The following SCN2A variants were observed in gnomAD, a reference collection of about 807,000 sequenced individuals.
SCN2A encodes the protein sodium voltage-gated channel alpha subunit 2.
A neutral mutation model predicts 188.7 loss-of-function variants in SCN2A; 20 were observed. The observed-to-expected ratio is 0.11, with a 90% confidence interval of 0.07 to 0.15. SCN2A has a LOEUF of 0.15. SCN2A is among the 10% of genes least tolerant of loss of function. The pLI is 1.00. For synonymous variants in SCN2A, 804 were observed against 833.1 expected (o/e 0.97, Z 0.60); for missense variants, 1,278 against 2,445.0 (o/e 0.52, Z 10.07).
At position 165,314,252 on chromosome 2, in the gene SCN2A, A is replaced by G. The variant is rs540184222; in HGVS notation, c.1383+144A>G. The G allele has an allele frequency of 2.7e-3, 2,095 of 776,980 alleles. 5 individuals carry two copies. The highest frequency in any genetic ancestry group is 3.7e-3 in the Non-Finnish European group (1,776 of 476,656). The allele number at this position is 776,980 out of a possible 1,614,324, so 48.1% of individuals were successfully genotyped here. A position where few individuals can be genotyped will look rare whatever the true frequency, so the allele number is the denominator to read the frequency against. On this transcript the variant is annotated intron_variant, in intron 10 of 26. Coordinates refer to ENST00000375437, the MANE Select transcript of SCN2A (RefSeq NM_001040142.2). Reference sequence around the variant, plus strand: ...CTAGGAGCCTGTTTGGTTATTAAGAAGTTATTACTTTATTGCAATGATCTC... The same window carrying G: ...CTAGGAGCCTGTTTGGTTATTAAGAGGTTATTACTTTATTGCAATGATCTC...
chr2:165,308,860 T>A, intron 5 of SCN2A, 66 bp downstream of exon 5: 1 of 1,592,950 alleles, frequency 6.3e-7, no homozygotes, highest in Non-Finnish European at 8.6e-7. Flanking sequence ...ATACTATATT[T>A]TCCTTGGTGG....
intron 1 of SCN2A, among the ~76,000 whole-genome samples, chr2:165,287,242 C>T (rs184449319): frequency 8.1e-4 from 123 of 152,268 alleles, no homozygotes; most frequent in Middle Eastern, 3.4e-3. Context: ...CTGGTTACGG[C>T]GTTTGCATCT....
chr2:165,342,271 A>T, intron 14 of SCN2A, 25 bp from the exon 15 acceptor site: 2 of 1,600,804 alleles, frequency 1.2e-6, no homozygotes, highest in Non-Finnish European at 1.7e-6. Flanking sequence ...ATTTGCTCAT[A>T]TAATGAACTA....
intron 1 of SCN2A, among the ~76,000 whole-genome samples, chr2:165,263,365 CTTAAT>C (rs2106090639): frequency 1.3e-5 from 2 of 152,138 alleles, no homozygotes; most frequent in South Asian, 4.1e-4. Context: ...GGCTTCAGGT[CTTAAT>C]TTAAGTTCTT....
chr2:165,277,142 A>C (rs967564088), intron 1 of SCN2A, among the ~76,000 whole-genome samples: 4 of 152,182 alleles, frequency 2.6e-5, no homozygotes, highest in Non-Finnish European at 5.9e-5. Flanking sequence ...TTTTAAGGCA[A>C]TCATAGAATC....
intron 1 of SCN2A, among the ~76,000 whole-genome samples, chr2:165,254,557 T>A (rs1240665697): frequency 1.3e-5 from 2 of 151,700 alleles, no homozygotes; most frequent in Non-Finnish European, 3.0e-5. Flanking sequence ...AAATAAAAAC[T>A]CACCTGTAAA....
At chr2:165,377,012 G>A (rs570058465) in intron 22 of SCN2A, among the ~76,000 whole-genome samples, 2 of 151,984 alleles carry the variant, frequency 1.3e-5, no homozygotes, top group African/African-American at 2.4e-5. Flanking sequence ...TTATGTCAAC[G>A]GAGCAGAAAA....
chr2:165,308,267 C>T (rs1329007572), intron 4 of SCN2A, among the ~76,000 whole-genome samples: 2 of 152,076 alleles, frequency 1.3e-5, no homozygotes, highest in Non-Finnish European at 2.9e-5. Context: ...TTTTTAATGA[C>T]TACCACAGTT....
intron 1 of SCN2A, among the ~76,000 whole-genome samples, chr2:165,247,270 T>G (rs1483308467): frequency 6.6e-6 from 1 of 152,210 alleles, no homozygotes; most frequent in Non-Finnish European, 1.5e-5. Context: ...TTTTTTTACT[T>G]CCTTCAACTA....
At chr2:165,260,166 A>G (rs1559321310) in intron 1 of SCN2A, among the ~76,000 whole-genome samples, 2 of 151,956 alleles carry the variant, frequency 1.3e-5, no homozygotes, top group South Asian at 2.1e-4. Context: ...GATGGTCTCT[A>G]TCTCCTGACC....
In SCN2A at chr2:165,296,574, A is replaced by G. The variant is rs946853987; in HGVS notation, c.268-443A>G. On this transcript the variant is annotated intron_variant, in intron 2 of 26. Coordinates refer to ENST00000375437, the MANE Select transcript of SCN2A (RefSeq NM_001040142.2). ...CTTTATACCATACTTTCTCCTTTCT[A>G]TTGCTCTCCACAGAAGGAATAATAG... 5 of 186,972 alleles carry G rather than the reference A, an allele frequency of 2.7e-5. No individual in the cohort carries two copies. In the South Asian group the frequency reaches 5.4e-4, roughly 20 times the overall value. The allele number at this position is 186,972 out of a possible 1,614,324, so 11.6% of individuals were successfully genotyped here. A position where few individuals can be genotyped will look rare whatever the true frequency, so the allele number is the denominator to read the frequency against.
intron 14 of SCN2A, among the ~76,000 whole-genome samples, chr2:165,341,073 T>C (rs760865987): frequency 1.3e-5 from 2 of 151,848 alleles, no homozygotes; most frequent in Non-Finnish European, 2.9e-5. Context: ...CTTATGACAG[T>C]GGTGATATAT....
chr2:165,269,765 A>G (rs1179606845), intron 1 of SCN2A: 2 of 152,036 alleles, frequency 1.3e-5, no homozygotes, highest in African/African-American at 2.4e-5. Flanking sequence ...TGTATAAATT[A>G]TTACTTAAAT....
chr2:165,348,398 T>C (rs1028592017), intron 16 of SCN2A, among the ~76,000 whole-genome samples: 2 of 150,644 alleles, frequency 1.3e-5, no homozygotes, highest in Non-Finnish European at 1.5e-5. Flanking sequence ...TTAGACATGA[T>C]TTCCTCTCAT....
intron 1 of SCN2A, chr2:165,270,462 G>A (rs1695055687): frequency 6.6e-6 from 1 of 151,866 alleles, no homozygotes; most frequent in Non-Finnish European, 1.5e-5. Context: ...AACATATTTT[G>A]TAATAGAGTT....
intron 1 of SCN2A, among the ~76,000 whole-genome samples, chr2:165,292,395 C>T (rs1395292181): frequency 6.6e-6 from 1 of 151,940 alleles, no homozygotes; most frequent in African/African-American, 2.4e-5. Context: ...TTGCATGATG[C>T]CAAAGTTTGA....
intron 1 of SCN2A, among the ~76,000 whole-genome samples, chr2:165,259,244 G>A (rs1009388600): frequency 9.9e-5 from 15 of 152,178 alleles, no homozygotes; most frequent in African/African-American, 3.6e-4. Context: ...ATCTTTATGT[G>A]GGTGGAGGAT....
At chr2:165,272,980 G>C (rs765652594) in intron 1 of SCN2A, 5 of 152,018 alleles carry the variant, frequency 3.3e-5, no homozygotes, top group Admixed American at 2.0e-4. Flanking sequence ...GTAGACTGAA[G>C]GCTGAGAATT....
At chr2:165,378,475 T>G (rs1225934401) in intron 23 of SCN2A, among the ~76,000 whole-genome samples, 1 of 151,766 alleles carries the variant, frequency 6.6e-6, no homozygotes, top group African/African-American at 2.4e-5. Flanking sequence ...ATTATCACTA[T>G]TCACTGTGCC....
Sources: allele counts gnomAD v4.1 joint callset (sites outside exome capture counted in the v4.1 genomes callset), GRCh38; gene constraint gnomAD v4.1.1; transcripts MANE v1.5; gene names NCBI Gene and HGNC (gene_info 2026-07-23, HGNC 2026-07-21).